PPP1R9A: variants seen among roughly 807,000 people sequenced by gnomAD.
PPP1R9A encodes protein phosphatase 1 regulatory subunit 9A, also known as neurabin-1.
A neutral mutation model predicts 141.9 loss-of-function variants in PPP1R9A; 59 were observed. The observed-to-expected ratio is 0.42, with a 90% CI of 0.34 to 0.52. The LOEUF is 0.52. Among genes scored for constraint, PPP1R9A ranks in the 20% least tolerant of loss-of-function variants. The pLI is 0.10. For synonymous variants in PPP1R9A, 500 were observed against 569.7 expected, an observed-to-expected ratio of 0.88 and a Z score of 1.74; for missense variants, 1,444 against 1,611.9, an observed-to-expected ratio of 0.90 and a Z score of 1.78.
chr7:95,070,227 T>A (rs1813567975), intron 2 of PPP1R9A, among the ~76,000 whole-genome samples: 1 of 152,066 alleles, frequency 6.6e-6, no homozygotes, highest in Admixed American at 6.5e-5. Context: ...TGGGTAAACA[T>A]CATATATGTA....
intron 5 of PPP1R9A, among the ~76,000 whole-genome samples, chr7:95,198,132 T>C (rs1323483462): frequency 6.6e-6 from 1 of 152,216 alleles, no homozygotes; most frequent in African/African-American, 2.4e-5. Flanking sequence ...CTTTACTTTT[T>C]TCCCCCTTCT....
chr7:95,064,645 A>G (rs1455597032), intron 2 of PPP1R9A, among the ~76,000 whole-genome samples: 1 of 152,220 alleles, frequency 6.6e-6, no homozygotes, highest in Non-Finnish European at 1.5e-5. Context: ...CTGTCAGCAA[A>G]TGCCAAAAAA....
chr7:95,177,508 G>A lies in PPP1R9A; in HGVS notation c.1754+15537G>A, dbSNP rs116958320. On this transcript the variant is annotated intron_variant, in intron 5 of 19. Transcript: ENST00000433360. The stretch of plus-strand genomic sequence containing the variant: ...GTACACAGGCAACAAATAGCATGAC[G>A]TATGGAATGGTACCTCACACATCTC... Among the ~76,000 whole-genome samples the A allele has an allele frequency of 5.3e-4, 81 of 152,160 alleles. 1 individual carries two copies. In the East Asian group the frequency reaches 0.011, roughly 21 times the overall value.
At chr7:95,111,623 G>A (rs1270225354) in intron 3 of PPP1R9A, among the ~76,000 whole-genome samples, 1 of 152,092 alleles carries the variant, frequency 6.6e-6, no homozygotes, top group African/African-American at 2.4e-5. Context: ...TGGTGGTTAG[G>A]ATCAGGGAGG....
At chr7:95,173,831 A>G (rs894263833) in intron 5 of PPP1R9A, among the ~76,000 whole-genome samples, 2 of 152,036 alleles carry the variant, frequency 1.3e-5, no homozygotes, top group Non-Finnish European at 2.9e-5. Flanking sequence ...TCTACTGTAC[A>G]CCTGCTAAAA....
At chr7:95,179,975 A>T (rs947304214) in intron 5 of PPP1R9A, among the ~76,000 whole-genome samples, 7 of 152,118 alleles carry the variant, frequency 4.6e-5, no homozygotes, top group African/African-American at 1.7e-4. Flanking sequence ...AATGCAATGC[A>T]ATTCCCATCA....
At position 95,293,396 on chromosome 7, in the gene PPP1R9A, T is replaced by G. The variant is rs1220359706; in HGVS notation, c.*3093T>G. The G allele has an allele frequency of 6.6e-6, 1 of 152,188 alleles. No individual in the cohort carries two copies. Among genetic ancestry groups the G allele is most frequent in the Admixed American group, 6.5e-5 (1 of 15,282 alleles). 9.4% of individuals were successfully genotyped at this position (152,188 alleles called of 1,614,324 possible). ...CTGATGAAGTCCCCCTTTAGTTTCATGACAATAAAGCTGTTCTGTGGCTAT... is the reference window on the plus strand; with the variant it reads ...CTGATGAAGTCCCCCTTTAGTTTCAGGACAATAAAGCTGTTCTGTGGCTAT... On this transcript the variant is annotated 3_prime_UTR_variant, in exon 20 of 20. Coordinates refer to ENST00000433360, the MANE Select transcript of PPP1R9A (RefSeq NM_001166160.2).
chr7:95,109,543 T>C (rs57706594), intron 2 of PPP1R9A, among the ~76,000 whole-genome samples: 3,235 of 152,188 alleles, frequency 0.021, 134 homozygotes, highest in African/African-American at 0.074. Context: ...AGTATGACAA[T>C]GTAAGAAGAA....
At chr7:95,184,472 T>C (rs1403305246) in intron 5 of PPP1R9A, among the ~76,000 whole-genome samples, 1 of 152,188 alleles carries the variant, frequency 6.6e-6, no homozygotes, top group Non-Finnish European at 1.5e-5. Context: ...ATTTTATTTA[T>C]TTATTTATGT....
chr7:95,208,757 C>T (rs1373623691), intron 7 of PPP1R9A, among the ~76,000 whole-genome samples: 4 of 151,636 alleles, frequency 2.6e-5, no homozygotes, highest in South Asian at 4.2e-4. Context: ...ATAAATGTTT[C>T]CTAAATGAGC....
chr7:95,022,619 C>G (rs1167779897), intron 2 of PPP1R9A, among the ~76,000 whole-genome samples: 1 of 152,088 alleles, frequency 6.6e-6, no homozygotes, highest in Non-Finnish European at 1.5e-5. Flanking sequence ...ATGGGTTTGT[C>G]ACAAATAGCT....
At chr7:94,979,906 A>AT (rs971360977) in intron 2 of PPP1R9A, among the ~76,000 whole-genome samples, 68 of 147,870 alleles carry the variant, frequency 4.6e-4, no homozygotes, top group East Asian at 3.3e-3. Flanking sequence ...TGTTAAAGGT[A>AT]TTTTTTTTTG....
chr7:94,959,454 T>G (rs570241806), intron 2 of PPP1R9A, among the ~76,000 whole-genome samples: 95 of 151,848 alleles, frequency 6.3e-4, no homozygotes, highest in African/African-American at 2.2e-3. Context: ...TATCAAATTT[T>G]AAACATTTAA....
At chr7:95,225,739 T>A (rs928409169) in intron 7 of PPP1R9A, among the ~76,000 whole-genome samples, 4 of 152,178 alleles carry the variant, frequency 2.6e-5, no homozygotes, top group Non-Finnish European at 4.4e-5. Flanking sequence ...ACTAGTAGAT[T>A]TTTAGAAACG....
chr7:95,004,917 G>A (rs895146673), intron 2 of PPP1R9A, among the ~76,000 whole-genome samples: 2 of 152,262 alleles, frequency 1.3e-5, no homozygotes, highest in East Asian at 3.9e-4. Flanking sequence ...AAGATCTGTC[G>A]AATGTTTCCC....
intron 2 of PPP1R9A, among the ~76,000 whole-genome samples, chr7:94,939,739 T>C (rs958575246): frequency 5.3e-5 from 8 of 151,242 alleles, no homozygotes; most frequent in Non-Finnish European, 1.2e-4. Flanking sequence ...TCCCAGAAGA[T>C]TGTATAATGT....
chr7:94,941,947 T>C (rs1795375493), intron 2 of PPP1R9A, among the ~76,000 whole-genome samples: 1 of 152,098 alleles, frequency 6.6e-6, no homozygotes, highest in South Asian at 2.1e-4. Flanking sequence ...TGGTCCTTAG[T>C]TTCCTTACCT....
At chr7:94,914,401 T>C (rs575468546) in intron 2 of PPP1R9A, among the ~76,000 whole-genome samples, 3 of 152,324 alleles carry the variant, frequency 2.0e-5, no homozygotes, top group East Asian at 3.9e-4. Flanking sequence ...AGTTGATCTT[T>C]CCTGTGTAGC....
chr7:95,263,361 A>G (rs1800721622), intron 12 of PPP1R9A, among the ~76,000 whole-genome samples: 1 of 152,204 alleles, frequency 6.6e-6, no homozygotes, highest in South Asian at 2.1e-4. Flanking sequence ...TCCTAATCTA[A>G]TACCTTCTTT....
Sources: gnomAD v4.1 joint callset for allele counts (sites outside exome capture counted in the v4.1 genomes callset) on GRCh38, gnomAD v4.1.1 for gene constraint, MANE v1.5 for transcripts, NCBI Gene and HGNC (gene_info 2026-07-23, HGNC 2026-07-21) for gene names.